Variants in CDH13 observed in about 807,000 individuals in gnomAD.
CDH13 encodes the protein cadherin-13.
A neutral mutation model predicts 63.8 loss-of-function variants in CDH13; 24 were observed. The observed-to-expected ratio is 0.38, with a 90% CI of 0.27 to 0.53. The LOEUF (loss-of-function observed/expected upper bound fraction) is 0.53. Among genes scored for constraint, CDH13 ranks in the 20% least tolerant of loss-of-function variants. The pLI is 0.85. For missense variants in CDH13, 1,049 were observed against 903.1 expected, an observed-to-expected ratio of 1.16 and a Z score of -2.07; for synonymous variants, 503 against 355.3, an observed-to-expected ratio of 1.42 and a Z score of -4.67.
At chr16:82,699,141 C>G (rs1324339758) in intron 1 of CDH13, among the ~76,000 whole-genome samples, 4 of 152,118 alleles carry the variant, frequency 2.6e-5, no homozygotes, top group African/African-American at 9.7e-5. Context: ...TTCATAGAAG[C>G]CTGATTGTTG....
At chr16:83,195,307 C>T (rs928414887) in intron 4 of CDH13, among the ~76,000 whole-genome samples, 1 of 152,142 alleles carries the variant, frequency 6.6e-6, no homozygotes, top group African/African-American at 2.4e-5. Context: ...TGTTCTTGCA[C>T]TGCTATAAAG....
intron 2 of CDH13, among the ~76,000 whole-genome samples, chr16:82,945,401 C>G (rs753286463): frequency 6.6e-6 from 1 of 151,538 alleles, no homozygotes; most frequent in Admixed American, 6.6e-5. Context: ...GGATCAAGTA[C>G]GAAATGGATA....
At chr16:83,562,818 G>T (rs2075731662) in intron 7 of CDH13, among the ~76,000 whole-genome samples, 1 of 152,158 alleles carries the variant, frequency 6.6e-6, no homozygotes, top group Non-Finnish European at 1.5e-5. Context: ...AACAAACTTG[G>T]TAAACATGCA....
intron 3 of CDH13, among the ~76,000 whole-genome samples, chr16:83,100,091 T>C (rs2034402759): frequency 6.6e-6 from 1 of 152,152 alleles, no homozygotes; most frequent in African/African-American, 2.4e-5. Flanking sequence ...TCAACTAGAT[T>C]AACTCATCAC....
At chr16:82,898,583 G>A (rs942766148) in intron 2 of CDH13, among the ~76,000 whole-genome samples, 2 of 152,210 alleles carry the variant, frequency 1.3e-5, no homozygotes, top group African/African-American at 4.8e-5. Flanking sequence ...CTGGTCTCAT[G>A]GATGATATAG....
intron 4 of CDH13, among the ~76,000 whole-genome samples, chr16:83,159,618 A>G (rs913646815): frequency 6.6e-6 from 1 of 152,224 alleles, no homozygotes; most frequent in African/African-American, 2.4e-5. Context: ...CAGAAAGAAG[A>G]AACGATATTT....
intron 1 of CDH13, among the ~76,000 whole-genome samples, chr16:82,803,624 G>T (rs751491539): frequency 6.6e-6 from 1 of 152,174 alleles, no homozygotes; most frequent in Non-Finnish European, 1.5e-5. Context: ...TATGCATGCC[G>T]TGGGATATCA....
At chr16:83,633,940 A>T (rs897378074) in intron 8 of CDH13, among the ~76,000 whole-genome samples, 1 of 152,190 alleles carries the variant, frequency 6.6e-6, no homozygotes, top group Non-Finnish European at 1.5e-5. Context: ...TTCCATGATC[A>T]CAGGCTCACA....
chr16:83,178,652 T>A (rs1408338482), intron 4 of CDH13, among the ~76,000 whole-genome samples: 1 of 152,208 alleles, frequency 6.6e-6, no homozygotes, highest in Non-Finnish European at 1.5e-5. Flanking sequence ...AAATGGAGTG[T>A]GTAATTTTTC....
At chr16:83,668,355 C>G (rs1477285194) in intron 8 of CDH13, among the ~76,000 whole-genome samples, 2 of 152,216 alleles carry the variant, frequency 1.3e-5, no homozygotes, top group Non-Finnish European at 2.9e-5. Flanking sequence ...CTCCTCAAAT[C>G]ATGATTTCTC....
chr16:83,160,011 G>C (rs1397272139), intron 4 of CDH13, among the ~76,000 whole-genome samples: 2 of 152,184 alleles, frequency 1.3e-5, no homozygotes, highest in Admixed American at 1.3e-4. Context: ...AGGAGGCAGA[G>C]GTTGCAGTGA....
intron 1 of CDH13, among the ~76,000 whole-genome samples, chr16:82,629,109 T>C (rs1022815864): frequency 6.6e-6 from 1 of 152,220 alleles, no homozygotes; most frequent in African/African-American, 2.4e-5. Context: ...ATGCCTCCTT[T>C]AAAGCAAGAC....
intron 3 of CDH13, among the ~76,000 whole-genome samples, chr16:83,060,950 C>T (rs1260873815): frequency 6.6e-6 from 1 of 152,204 alleles, no homozygotes; most frequent in East Asian, 1.9e-4. Flanking sequence ...CAACCAGGCT[C>T]TTCCCCTCAA....
rs141163302 is a variant in CDH13 at position 83,141,808 on chromosome 16, C to T, written c.483+16307C>T. On this transcript the variant is annotated intron_variant, in intron 4 of 13. Coordinates refer to ENST00000567109, the MANE Select transcript of CDH13 (RefSeq NM_001257.5). Reference sequence around the variant, plus strand: ...TGTCTTAGTTTGCTGAGAATGATGGCTTCCAGCTTTATCCATGTCCCTGCA... The same window carrying T: ...TGTCTTAGTTTGCTGAGAATGATGGTTTCCAGCTTTATCCATGTCCCTGCA... Among the ~76,000 whole-genome samples the T allele has an allele frequency of 7.6e-3, 1,165 of 152,288 alleles. 17 individuals carry two copies. Among genetic ancestry groups the T allele is most frequent in the African/African-American group, 0.026 (1,075 of 41,554 alleles).
At chr16:83,172,562 G>T (rs1027774836) in intron 4 of CDH13, among the ~76,000 whole-genome samples, 13 of 150,704 alleles carry the variant, frequency 8.6e-5, no homozygotes, top group African/African-American at 3.2e-4. Flanking sequence ...GCCCAAAAAT[G>T]CCAAAAAATG....
At chr16:83,388,363 G>A (rs1452532607) in intron 6 of CDH13, among the ~76,000 whole-genome samples, 2 of 152,038 alleles carry the variant, frequency 1.3e-5, no homozygotes, top group Non-Finnish European at 2.9e-5. Context: ...TGAGGTGGGA[G>A]GATCGCTTGG....
At chr16:83,769,566 A>C (rs1324299139) in intron 11 of CDH13, among the ~76,000 whole-genome samples, 3 of 152,260 alleles carry the variant, frequency 2.0e-5, no homozygotes, top group African/African-American at 4.8e-5. Flanking sequence ...GAGCAAGGGC[A>C]GGAAGTCCCC....
chr16:83,273,383 T>A (rs536029066), intron 5 of CDH13, among the ~76,000 whole-genome samples: 1 of 152,196 alleles, frequency 6.6e-6, no homozygotes, highest in South Asian at 2.1e-4. Flanking sequence ...CCCGTCTTAG[T>A]GTCTATGAGT....
chr16:83,690,636 A>G lies in CDH13; in HGVS notation c.1538+12175A>G, dbSNP rs188837767. Among the ~76,000 whole-genome samples, 18 of 152,290 alleles carry G rather than the reference A, an allele frequency of 1.2e-4. No individual in the cohort carries two copies. The East Asian group carries it at 2.7e-3, about 23-fold the overall frequency. The stretch of plus-strand genomic sequence containing the variant: ...CAGAGGACTGGAGTGTAGGGTAGCC[A>G]TAGTAATCCAGGTAAGAGGCCATAT... On this transcript the variant is annotated intron_variant, in intron 10 of 13. Transcript: ENST00000567109.
Sources: allele counts gnomAD v4.1 joint callset (sites outside exome capture counted in the v4.1 genomes callset), GRCh38; gene constraint gnomAD v4.1.1; transcripts MANE v1.5; gene names NCBI Gene and HGNC (gene_info 2026-07-23, HGNC 2026-07-21).